The following ZDHHC6 variants were observed in gnomAD, a reference collection of about 807,000 sequenced individuals.
The protein encoded by ZDHHC6 is palmitoyltransferase ZDHHC6.
A neutral mutation model predicts 57.8 loss-of-function variants in ZDHHC6; 32 were observed. The observed-to-expected ratio is 0.55, with a 90% CI of 0.42 to 0.74. ZDHHC6 has a LOEUF of 0.74. ZDHHC6 is among the 30% of genes least tolerant of loss of function. The pLI is 0.00. For missense variants in ZDHHC6, 433 were observed against 500.7 expected (o/e 0.86, Z 1.29); for synonymous variants, 128 against 158.0 (o/e 0.81, Z 1.42).
Position 112,434,353 on chromosome 10 carries a change from C to A in ZDHHC6, c.847G>T (p.Glu283Ter). 2 of 1,613,880 alleles carry A rather than the reference C, an allele frequency of 1.2e-6. No homozygotes were observed. The highest frequency in any genetic ancestry group is 1.7e-6 in the Non-Finnish European group (2 of 1,179,858). Residue 283 changes from glutamate to a stop codon, truncating the protein, a stop_gained, in exon 7 of 11, where the codon GAA becomes TAA. Coordinates refer to ENST00000369405, the MANE Select transcript of ZDHHC6 (RefSeq NM_022494.3). LOFTEE classifies it high-confidence loss of function. ...KQVFTWSGVP[E>*]GDGLEWPVRE... is the part of the protein sequence containing the mutation. ...ACTGGCCACTCAAGTCCATCTCCTT[C>A]AGGGACCCCTGACCACGTAAATACC...
chr10:112,439,631 A>G (rs1845901677), intron 5 of ZDHHC6, among the ~76,000 whole-genome samples: 1 of 29,702 alleles, frequency 3.4e-5, no homozygotes, highest in East Asian at 7.1e-4. Flanking sequence ...CTCCGTCTAA[A>G]AAAAAAAAAA....
chr10:112,427,541 A>G (rs1844783189), downstream of ZDHHC6: 1 of 481,318 alleles, frequency 2.1e-6, no homozygotes, highest in Non-Finnish European at 3.4e-6. Flanking sequence ...AAATAAATCA[A>G]TCCTGTCTTT....
chr10:112,447,233 T>A, upstream of ZDHHC6: 1 of 767,822 alleles, frequency 1.3e-6, no homozygotes, highest in Non-Finnish European at 2.0e-6. Context: ...AGGAAGCGGC[T>A]GGGTTGAGAG....
intron 2 of ZDHHC6, among the ~76,000 whole-genome samples, chr10:112,444,502 A>G (rs1228469415): frequency 6.6e-6 from 1 of 152,242 alleles, no homozygotes; most frequent in Non-Finnish European, 1.5e-5. Flanking sequence ...TTTGAATAGT[A>G]CATAGCACAT....
chr10:112,440,752 C>G, intron 4 of ZDHHC6, 57 bp from the exon 5 acceptor site: 1 of 1,535,544 alleles, frequency 6.5e-7, no homozygotes, highest in Non-Finnish European at 8.8e-7. Context: ...ACTGGTCAGA[C>G]TCTACTGTGA....
downstream of ZDHHC6, chr10:112,427,555 A>G (rs1844783563): frequency 2.3e-6 from 1 of 433,454 alleles, no homozygotes; most frequent in African/African-American, 2.1e-5. Flanking sequence ...TGTCTTTCCC[A>G]TCTTCGATGT....
Position 112,445,283 on chromosome 10 carries a change from T to G in ZDHHC6, c.154A>C (p.Thr52Pro), listed in dbSNP as rs200188357. 1.9e-6 allele frequency: 3 copies of G among 1,614,192 alleles called. No homozygotes were observed. The highest frequency in any genetic ancestry group is 1.6e-4 in the Middle Eastern group (1 of 6,062). ...SVLWYWPLHT[T>P]GGSVNFIMLI... ...ATGATGAAATTCACACTTCCTCCAG[T>G]TGTATGTAAGGGCCAATACCACAAC... The change falls in exon 2 of 11, where the codon ACT (threonine) becomes CCT (proline). Residue 52 changes from threonine (T) to proline (P), a missense_variant. Transcript: ENST00000369405.
chr10:112,445,584 C>T lies in ZDHHC6; in HGVS notation c.-148G>A. ...CTGTTAACGCAGATTACACCATTTT[C>T]ACTGTCAGGCACCCAAAGCTCTTTA... is the stretch of plus-strand genomic sequence containing the variant. On this transcript the variant is annotated 5_prime_UTR_variant, in exon 2 of 11. Transcript: ENST00000369405. The T allele has an allele frequency of 1.1e-6, 1 of 886,180 alleles. No homozygotes were observed. The highest frequency in any genetic ancestry group is 1.7e-6 in the Non-Finnish European group (1 of 602,488). 54.9% of individuals were successfully genotyped at this position (886,180 alleles called of 1,614,324 possible).
chr10:112,432,066 T>C (rs1564752212), intron 10 of ZDHHC6, among the ~76,000 whole-genome samples, 174 bp downstream of exon 10: 1 of 152,158 alleles, frequency 6.6e-6, no homozygotes. Flanking sequence ...ACCTGAAAAA[T>C]ACAAGAGCTA....
chr10:112,435,769 A>C (rs1433999990), intron 6 of ZDHHC6, among the ~76,000 whole-genome samples: 5 of 152,220 alleles, frequency 3.3e-5, no homozygotes, highest in Admixed American at 1.3e-4. Flanking sequence ...TTTCAAAGAA[A>C]AGAGTTCTAG....
intron 10 of ZDHHC6, 136 bp downstream of exon 10, chr10:112,432,104 T>G: frequency 2.6e-6 from 2 of 775,288 alleles, no homozygotes; most frequent in Non-Finnish European, 4.0e-6. Context: ...AAGTTCCTTT[T>G]GTTGCTTAGT....
chr10:112,446,914 T>TCC (rs981393892), upstream of ZDHHC6: 1 of 200,458 alleles, frequency 5.0e-6, no homozygotes, highest in African/African-American at 2.3e-5. Context: ...GCCAGGACTC[T>TCC]CCCGCTCAGG....
intron 4 of ZDHHC6, 59 bp downstream of exon 4, chr10:112,442,133 A>G: frequency 6.8e-7 from 1 of 1,475,558 alleles, no homozygotes; most frequent in Non-Finnish European, 9.0e-7. Flanking sequence ...AAATGTTGAT[A>G]ACTACCATTT....
chr10:112,443,058 A>C (rs1263336411), intron 3 of ZDHHC6, among the ~76,000 whole-genome samples: 2 of 152,210 alleles, frequency 1.3e-5, no homozygotes, highest in East Asian at 3.9e-4. Flanking sequence ...TTTGATATTA[A>C]AACATTTGTG....
chr10:112,446,124 G>C (rs1431634580), intron 1 of ZDHHC6, among the ~76,000 whole-genome samples: 2 of 152,070 alleles, frequency 1.3e-5, no homozygotes, highest in Non-Finnish European at 2.9e-5. Context: ...ATGAAGTCTT[G>C]AATTAAGCCA....
intron 2 of ZDHHC6, among the ~76,000 whole-genome samples, chr10:112,444,850 A>C (rs1426134109): frequency 6.6e-6 from 1 of 152,220 alleles, no homozygotes; most frequent in Non-Finnish European, 1.5e-5. Context: ...TACTACAGCC[A>C]AACCTCACTG....
chr10:112,445,531 TTTAA>T lies in ZDHHC6; in HGVS notation c.-99_-96del. The T allele has an allele frequency of 1.4e-6, 2 of 1,406,914 alleles. No individual in the cohort carries two copies. Among genetic ancestry groups the T allele is most frequent in the South Asian group, 1.4e-5 (1 of 73,174 alleles). The allele number at this position is 1,406,914 out of a possible 1,614,324, so 87.2% of individuals were successfully genotyped here. On this transcript the variant is annotated 5_prime_UTR_variant, in exon 2 of 11. The change creates a premature stop within an existing upstream ORF in the 5' untranslated region. Coordinates refer to ENST00000369405, the MANE Select transcript of ZDHHC6 (RefSeq NM_022494.3). The stretch of plus-strand genomic sequence containing the variant: ...ATGTGCCACAAGTCCATGTGTGTTC[TTTAA>T]TTGTCATGCCTTCAAGCTGTGAACT...
upstream of ZDHHC6, chr10:112,447,122 G>T: frequency 2.0e-6 from 1 of 507,378 alleles, no homozygotes; most frequent in Non-Finnish European, 3.6e-6. Context: ...CACTAATTGG[G>T]GCGCTTTTCC....
intron 6 of ZDHHC6, among the ~76,000 whole-genome samples, chr10:112,438,112 A>C (rs547930187): frequency 1.3e-5 from 2 of 152,306 alleles, no homozygotes; most frequent in African/African-American, 4.8e-5. Flanking sequence ...GGTGTATGAG[A>C]AGCACCTTTC....
Sources: gnomAD v4.1 joint callset for allele counts (sites outside exome capture counted in the v4.1 genomes callset) on GRCh38, gnomAD v4.1.1 for gene constraint, MANE v1.5 for transcripts, NCBI Gene and HGNC (gene_info 2026-07-23, HGNC 2026-07-21) for gene names.